ZBTB2: variants seen among roughly 807,000 people sequenced by gnomAD.
ZBTB2 encodes zinc finger and BTB domain containing 2.
In ZBTB2, 2 loss-of-function variants were observed where a neutral mutation model predicts 39.5. That is an observed-to-expected ratio of 0.05 (90% confidence interval 0.02 to 0.16). The LOEUF (loss-of-function observed/expected upper bound fraction) is 0.16. Among genes scored for constraint, ZBTB2 ranks in the 10% least tolerant of loss-of-function variants. ZBTB2 has a pLI of 1.00. For synonymous variants in ZBTB2, 251 were observed against 256.6 expected (o/e 0.98, Z 0.21); for missense variants, 391 against 653.0 (o/e 0.60, Z 4.37).
intron 2 of ZBTB2, among the ~76,000 whole-genome samples, chr6:151,373,114 C>T (rs1221726241): frequency 1.1e-4 from 14 of 132,458 alleles, no homozygotes; most frequent in Admixed American, 1.0e-3. Flanking sequence ...GAGATTGCAC[C>T]ACTGCACTCC....
At chr6:151,385,996 T>G (rs1779142048) in intron 1 of ZBTB2, among the ~76,000 whole-genome samples, 1 of 152,190 alleles carries the variant, frequency 6.6e-6, no homozygotes, top group East Asian at 1.9e-4. Context: ...ATTTTCATAT[T>G]AAAAAGCACT....
chr6:151,378,613 C>T (rs1778965331), intron 1 of ZBTB2, among the ~76,000 whole-genome samples: 1 of 152,208 alleles, frequency 6.6e-6, no homozygotes, highest in Non-Finnish European at 1.5e-5. Context: ...CAGAATACTT[C>T]CTTTTGCATC....
chr6:151,382,672 C>T (rs1562770213), intron 1 of ZBTB2, among the ~76,000 whole-genome samples: 1 of 152,068 alleles, frequency 6.6e-6, no homozygotes, highest in Non-Finnish European at 1.5e-5. Flanking sequence ...TCTCCTGCCT[C>T]AGCTTTCCGG....
At chr6:151,380,669 C>G (rs573838528) in intron 1 of ZBTB2, among the ~76,000 whole-genome samples, 1 of 152,188 alleles carries the variant, frequency 6.6e-6, no homozygotes, top group African/African-American at 2.4e-5. Context: ...CTCTTCCTCC[C>G]GCTCTGATAA....
Position 151,365,492 on chromosome 6 carries a change from T to C in ZBTB2, c.*29A>G. The stretch of plus-strand genomic sequence containing the variant: ...GGAGGGAAGATAGTCTTTGTAAAAA[T>C]GAGAGTTTTTTAAAAAGATAAGTGA... On this transcript the variant is annotated 3_prime_UTR_variant, in exon 3 of 3. Coordinates refer to ENST00000325144, the MANE Select transcript of ZBTB2 (RefSeq NM_020861.3). The surrounding 1 kb of genome is among the most constrained non-coding windows in gnomAD (Gnocchi z 5.6). 1 of 1,568,428 alleles carries C rather than the reference T, an allele frequency of 6.4e-7. No individual in the cohort carries two copies. The highest frequency in any genetic ancestry group is 8.6e-7 in the Non-Finnish European group (1 of 1,159,890).
intron 1 of ZBTB2, among the ~76,000 whole-genome samples, chr6:151,376,724 A>G (rs1289720424): frequency 6.6e-6 from 1 of 152,192 alleles, no homozygotes; most frequent in Non-Finnish European, 1.5e-5. Context: ...GAGAAGCTGG[A>G]TCATTCATAC....
intron 1 of ZBTB2, among the ~76,000 whole-genome samples, chr6:151,377,369 ATTT>A (rs754374133): frequency 2.2e-5 from 3 of 138,738 alleles, no homozygotes; most frequent in South Asian, 2.3e-4. Flanking sequence ...ATAAAGTTCA[ATTT>A]TTTTTTTTTT....
At position 151,374,346 on chromosome 6, in the gene ZBTB2, G is replaced by A. The variant is rs1306180496; in HGVS notation, c.-12-697C>T. On this transcript the variant is annotated intron_variant, in intron 1 of 2. Transcript: ENST00000325144. ...CGGTCTTGAGAAGTATAAGTAATTT[G>A]CCCCAGGCCTTCTAGCCAAAAGGTG... Among the ~76,000 whole-genome samples, 3 of 152,110 alleles carry A rather than the reference G, an allele frequency of 2.0e-5. No homozygotes were observed. In the East Asian group the frequency reaches 5.8e-4, roughly 29 times the overall value.
Position 151,391,476 on chromosome 6 carries a change from G to C in ZBTB2, c.-69C>G, listed in dbSNP as rs1447634613. The C allele has an allele frequency of 6.6e-6, 1 of 152,350 alleles. No homozygotes were observed. The highest frequency in any genetic ancestry group is 1.5e-5 in the Non-Finnish European group (1 of 68,036). 9.4% of individuals were successfully genotyped at this position (152,350 alleles called of 1,614,324 possible). A position where few individuals can be genotyped will look rare whatever the true frequency, so the allele number is the denominator to read the frequency against. On this transcript the variant is annotated 5_prime_UTR_variant, in exon 1 of 3. Coordinates refer to ENST00000325144, the MANE Select transcript of ZBTB2 (RefSeq NM_020861.3). ...GGAGGAGGCGCCTCTGGGCAGCCTCGGCCGTGCTGTCCTCCCCGCCGCCGC... is the reference window on the plus strand; with the variant it reads ...GGAGGAGGCGCCTCTGGGCAGCCTCCGCCGTGCTGTCCTCCCCGCCGCCGC...
At position 151,366,140 on chromosome 6, in the gene ZBTB2, A is replaced by C. The variant is rs1287109701; in HGVS notation, c.926T>G (p.Val309Gly). ...AADLGKDAMEVPEAGMISDSE... is the reference protein window; with the variant it reads ...AADLGKDAMEGPEAGMISDSE... ...GTCACTTATCATCCCGGCTTCAGGCACTTCCATGGCATCTTTCCCGAGGTC... is the reference window on the plus strand; with the variant it reads ...GTCACTTATCATCCCGGCTTCAGGCCCTTCCATGGCATCTTTCCCGAGGTC... The change falls in exon 3 of 3, where the codon GTG (valine) becomes GGG (glycine). Residue 309 changes from valine to glycine, a missense_variant. Physicochemically the swap from Val to Gly is moderately radical, Grantham distance 109 (BLOSUM62 -3). Around this residue, in one of 7 missense-constraint regions of ZBTB2, gnomAD observed 80 missense variants for 125.2 expected, o/e 0.64. Coordinates refer to ENST00000325144, the MANE Select transcript of ZBTB2 (RefSeq NM_020861.3). The surrounding 1 kb of genome is among the most constrained non-coding windows in gnomAD (Gnocchi z 7.1). The C allele has an allele frequency of 6.2e-7, 1 of 1,614,162 alleles. No homozygotes were observed. Among genetic ancestry groups the C allele is most frequent in the Non-Finnish European group, 8.5e-7 (1 of 1,180,040 alleles).
intron 2 of ZBTB2, among the ~76,000 whole-genome samples, chr6:151,371,880 G>T (rs974627513): frequency 6.6e-6 from 1 of 152,196 alleles, no homozygotes; most frequent in African/African-American, 2.4e-5. Context: ...ATGATTTGGG[G>T]ACTGAGTTAA....
At position 151,373,653 on chromosome 6, in the gene ZBTB2, C is replaced by T. The variant is rs1159726873; in HGVS notation, c.-12-4G>A. ...CCAAATCCATTTTTTAAAAAATCTG[C>T]AAAGCAAACAATTTTATTTTTAAGA... On this transcript the variant is annotated splice_region_variant and splice_polypyrimidine_tract_variant and intron_variant, in intron 1 of 2. Coordinates refer to ENST00000325144, the MANE Select transcript of ZBTB2 (RefSeq NM_020861.3). 1 of 1,608,838 alleles carries T rather than the reference C, an allele frequency of 6.2e-7. No homozygotes were observed. The highest frequency in any genetic ancestry group is 2.2e-5 in the East Asian group (1 of 44,770).
At chr6:151,369,990 A>C in intron 2 of ZBTB2, 1 of 472,446 alleles carries the variant, frequency 2.1e-6, no homozygotes, top group Non-Finnish European at 2.8e-6. Context: ...TCCATCCCTG[A>C]CTGCTTTTAT....
At chr6:151,385,189 A>G (rs1167772063) in intron 1 of ZBTB2, among the ~76,000 whole-genome samples, 2 of 152,310 alleles carry the variant, frequency 1.3e-5, no homozygotes, top group East Asian at 3.9e-4. Context: ...CTGTATATGT[A>G]TGTGTACAAA....
intron 1 of ZBTB2, among the ~76,000 whole-genome samples, chr6:151,388,789 A>G (rs960592494): frequency 3.3e-5 from 5 of 152,252 alleles, no homozygotes; most frequent in Admixed American, 6.5e-5. Context: ...CTTTTATTCT[A>G]TAACTTAAAA....
chr6:151,366,184 A>C lies in ZBTB2; in HGVS notation c.882T>G (p.Thr294=), dbSNP rs1321077546. The part of the protein sequence containing the change: ...SQQGESRVPL[T]LCSNAADLGK... The stretch of plus-strand genomic sequence containing the variant: ...CGAGGTCAGCTGCATTGCTACAGAG[A>C]GTCAGGGGGACGCGACTTTCTCCCT... Residue 294 remains threonine, a synonymous_variant, in exon 3 of 3, where the codon ACT becomes ACG. Coordinates refer to ENST00000325144, the MANE Select transcript of ZBTB2 (RefSeq NM_020861.3). The surrounding 1 kb of genome is among the most constrained non-coding windows in gnomAD (Gnocchi z 7.1). 1.2e-6 allele frequency: 2 copies of C among 1,614,122 alleles called. No individual in the cohort carries two copies. Among genetic ancestry groups the C allele is most frequent in the South Asian group, 2.2e-5 (2 of 91,072 alleles).
Position 151,373,572 on chromosome 6 carries a change from G to A in ZBTB2, c.66C>T (p.Phe22=). ...QQLNAQREFG[F]LCDCTVAIGD... is the part of the protein sequence containing the mutation. ...CGATTGCAACCGTGCAGTCACACAG[G>A]AAACCAAACTCTCGCTGAGCGTTTA... is the stretch of plus-strand genomic sequence containing the variant. The change falls in exon 2 of 3, where the codon TTC becomes TTT. Residue 22 remains phenylalanine (F), a synonymous_variant. Coordinates refer to ENST00000325144, the MANE Select transcript of ZBTB2 (RefSeq NM_020861.3). 1 of 1,614,134 alleles carries A rather than the reference G, an allele frequency of 6.2e-7. No individual in the cohort carries two copies. The highest frequency in any genetic ancestry group is 8.5e-7 in the Non-Finnish European group (1 of 1,180,020).
intron 1 of ZBTB2, among the ~76,000 whole-genome samples, chr6:151,390,726 C>T (rs1453558385): frequency 6.6e-6 from 1 of 151,816 alleles, no homozygotes; most frequent in Non-Finnish European, 1.5e-5. Flanking sequence ...GCCAGAGAGG[C>T]CGGGCCTGCT....
At position 151,386,989 on chromosome 6, in the gene ZBTB2, A is replaced by C. The variant is rs373876829; in HGVS notation, c.-13+4431T>G. Among the ~76,000 whole-genome samples the C allele has an allele frequency of 1.8e-4, 28 of 152,326 alleles. No individual in the cohort carries two copies. In the East Asian group the frequency reaches 2.5e-3, roughly 14 times the overall value. ...TTTTTATATTTTTGCAATTCTCTTT[A>C]ACAGAAGACAACTGGATTTTGCATT... On this transcript the variant is annotated intron_variant, in intron 1 of 2. Coordinates refer to ENST00000325144, the MANE Select transcript of ZBTB2 (RefSeq NM_020861.3).
Sources: allele counts gnomAD v4.1 joint callset (sites outside exome capture counted in the v4.1 genomes callset), GRCh38; gene constraint gnomAD v4.1.1; regional missense constraint gnomAD v4.1.1; non-coding constraint Gnocchi (gnomAD v3.1); transcripts MANE v1.5; gene names NCBI Gene and HGNC (gene_info 2026-07-23, HGNC 2026-07-21).